Variants in NETO1 observed in about 807,000 individuals in gnomAD.
The protein encoded by NETO1 is neuropilin and tolloid like 1.
A neutral mutation model predicts 61.3 loss-of-function variants in NETO1; 26 were observed. The ratio of observed to expected loss-of-function variants is 0.42; its 90% CI spans 0.31 to 0.59. The LOEUF is 0.59. NETO1 is among the 20% of genes least tolerant of loss of function. The probability of loss-of-function intolerance (pLI) is 0.12; values close to 1 mark genes in which losing one functional copy is unlikely to be tolerated. For missense variants in NETO1, 531 were observed against 662.8 expected (o/e 0.80, Z 2.18); for synonymous variants, 225 against 225.8 (o/e 1.00, Z 0.03).
At chr18:72,777,444 A>AC (rs1025950454) in intron 7 of NETO1, among the ~76,000 whole-genome samples, 34 of 141,426 alleles carry the variant, frequency 2.4e-4, no homozygotes, top group South Asian at 4.5e-4. Flanking sequence ...AACAACAACA[A>AC]AAAAAAAACA....
At chr18:72,787,187 T>C (rs9958713) in intron 6 of NETO1, among the ~76,000 whole-genome samples, 2,540 of 151,018 alleles carry the variant, frequency 0.017, 74 homozygotes, top group African/African-American at 0.058. Context: ...AATTCAAATA[T>C]GTACTTATAC....
At chr18:72,858,192 A>C (rs1319514308) in intron 4 of NETO1, among the ~76,000 whole-genome samples, 2 of 152,192 alleles carry the variant, frequency 1.3e-5, no homozygotes, top group Non-Finnish European at 2.9e-5. Flanking sequence ...GGGCCAGGCA[A>C]CAACACAGGA....
At chr18:72,838,059 C>T (rs1003497896) in intron 4 of NETO1, among the ~76,000 whole-genome samples, 2 of 152,164 alleles carry the variant, frequency 1.3e-5, no homozygotes, top group Non-Finnish European at 2.9e-5. Context: ...AAACATTCTC[C>T]GTCCCCATCA....
At chr18:72,799,012 A>G (rs1216215667) in intron 4 of NETO1, among the ~76,000 whole-genome samples, 2 of 152,198 alleles carry the variant, frequency 1.3e-5, no homozygotes, top group African/African-American at 4.8e-5. Flanking sequence ...AACATAATGA[A>G]CAGAAGCAAT....
chr18:72,762,728 A>T (rs1339142185), intron 7 of NETO1, among the ~76,000 whole-genome samples: 2 of 152,190 alleles, frequency 1.3e-5, no homozygotes, highest in Admixed American at 1.3e-4. Flanking sequence ...AAGGTGGCGA[A>T]CTTACATCAG....
chr18:72,826,873 G>C lies in NETO1; in HGVS notation c.469+31953C>G, dbSNP rs375509311. On this transcript the variant is annotated intron_variant, in intron 4 of 10. Transcript: ENST00000327305. Reference sequence around the variant, plus strand: ...TCCGATCCTAGGCTTTTACATCGTGGGTGAAGCATGACACACTGAGCTGAA... The same window carrying C: ...TCCGATCCTAGGCTTTTACATCGTGCGTGAAGCATGACACACTGAGCTGAA... Among the ~76,000 whole-genome samples the C allele has an allele frequency of 4.6e-5, 7 of 152,208 alleles. No individual in the cohort carries two copies. In the South Asian group the frequency reaches 1.2e-3, roughly 27 times the overall value.
intron 7 of NETO1, among the ~76,000 whole-genome samples, chr18:72,758,385 T>TTGTGTGTGTGTGTGTGTG (rs71166416): frequency 8.4e-5 from 12 of 142,912 alleles, no homozygotes; most frequent in Middle Eastern, 3.5e-3. Flanking sequence ...TTTTTTTTCT[T>TTGTGTGTGTGTGTGTGTG]TGTGTGTGTG....
intron 4 of NETO1, among the ~76,000 whole-genome samples, chr18:72,809,089 G>T (rs2072777041): frequency 6.6e-6 from 1 of 152,126 alleles, no homozygotes; most frequent in Non-Finnish European, 1.5e-5. Flanking sequence ...TTTACCAAGG[G>T]CAGAATCTGT....
At chr18:72,823,498 G>A (rs1347652977) in intron 4 of NETO1, among the ~76,000 whole-genome samples, 1 of 151,950 alleles carries the variant, frequency 6.6e-6, no homozygotes, top group Non-Finnish European at 1.5e-5. Context: ...AGAGGGAAGA[G>A]GATGTTTCAA....
chr18:72,772,825 C>CTCTCTCTCTCTA (rs1568187563), intron 7 of NETO1, among the ~76,000 whole-genome samples: 4 of 40,848 alleles, frequency 9.8e-5, no homozygotes, highest in Non-Finnish European at 1.7e-4. Flanking sequence ...CTCTCTCTCT[C>CTCTCTCTCTCTA]TATATATATA....
At chr18:72,799,844 C>T (rs2072448419) in intron 4 of NETO1, among the ~76,000 whole-genome samples, 1 of 152,208 alleles carries the variant, frequency 6.6e-6, no homozygotes, top group Non-Finnish European at 1.5e-5. Flanking sequence ...GTCTCCCTGG[C>T]AACACATTTC....
intron 6 of NETO1, among the ~76,000 whole-genome samples, chr18:72,786,090 A>G (rs1479044280): frequency 6.6e-6 from 1 of 152,208 alleles, no homozygotes; most frequent in African/African-American, 2.4e-5. Context: ...TGAATGATTA[A>G]CTGGAAGTTT....
chr18:72,763,914 G>A (rs12961472), intron 7 of NETO1, among the ~76,000 whole-genome samples: 47,667 of 151,848 alleles, frequency 0.31, 8,363 homozygotes, highest in South Asian at 0.48. Flanking sequence ...GAAACTTACA[G>A]TGTCTTCATG....
At chr18:72,852,833 CTTT>C (rs71166431) in intron 4 of NETO1, among the ~76,000 whole-genome samples, 11 of 132,258 alleles carry the variant, frequency 8.3e-5, no homozygotes, top group Non-Finnish European at 9.5e-5. Context: ...TTTTCTTTTT[CTTT>C]TTTTTTTTTT....
chr18:72,834,142 C>A (rs1599110265), intron 4 of NETO1: 3 of 825,164 alleles, frequency 3.6e-6, no homozygotes, highest in South Asian at 5.6e-5. Context: ...GAGCTTCGGA[C>A]AATATTTTTG....
intron 4 of NETO1, among the ~76,000 whole-genome samples, chr18:72,843,375 C>T (rs12327300): frequency 0.025 from 3,754 of 152,282 alleles, 129 homozygotes; most frequent in African/African-American, 0.086. Flanking sequence ...CTCTACCACC[C>T]TCCTTTTTAA....
intron 4 of NETO1, among the ~76,000 whole-genome samples, chr18:72,809,693 C>A (rs1251456708): frequency 6.6e-6 from 1 of 152,176 alleles, no homozygotes; most frequent in Non-Finnish European, 1.5e-5. Context: ...GTTGTTGTAG[C>A]CTCATTGGCT....
Position 72,818,915 on chromosome 18 carries a change from A to T in NETO1, c.470-24511T>A, listed in dbSNP as rs9950368. ...AAATTAGCTAAATATATCAAAATGG[A>T]AATATAGTTAGGCGTATATGTGTAT... On this transcript the variant is annotated intron_variant, in intron 4 of 10. Coordinates refer to ENST00000327305, the MANE Select transcript of NETO1 (RefSeq NM_138966.5). Among the ~76,000 whole-genome samples, 422 of 152,358 alleles carry T rather than the reference A, an allele frequency of 2.8e-3. 1 individual carries two copies. Among genetic ancestry groups the T allele is most frequent in the African/African-American group, 8.4e-3 (349 of 41,580 alleles).
intron 7 of NETO1, among the ~76,000 whole-genome samples, chr18:72,758,983 ATCTC>A (rs1233985470): frequency 6.6e-6 from 1 of 152,172 alleles, no homozygotes; most frequent in Non-Finnish European, 1.5e-5. Flanking sequence ...TATTGTCTGA[ATCTC>A]TCTCTCAGAA....
Sources: gnomAD v4.1 joint callset for allele counts (sites outside exome capture counted in the v4.1 genomes callset) on GRCh38, gnomAD v4.1.1 for gene constraint, MANE v1.5 for transcripts, NCBI Gene and HGNC (gene_info 2026-07-23, HGNC 2026-07-21) for gene names.